The following PTPRN2 variants were observed in gnomAD, a reference collection of about 807,000 sequenced individuals.
PTPRN2 encodes the protein protein tyrosine phosphatase receptor type N2, also known as receptor-type tyrosine-protein phosphatase N2.
Under a neutral mutation model 118.8 loss-of-function variants are expected in PTPRN2, and 74 were observed. The ratio of observed to expected loss-of-function variants is 0.62; its 90% CI spans 0.52 to 0.76. PTPRN2 has a LOEUF of 0.76. PTPRN2 is among the 30% of genes least tolerant of loss of function. The pLI is 0.00. For synonymous variants in PTPRN2, 641 were observed against 608.0 expected, an observed-to-expected ratio of 1.05 and a Z score of -0.80; for missense variants, 1,481 against 1,394.4, an observed-to-expected ratio of 1.06 and a Z score of -0.99.
At chr7:158,199,390 A>C (rs1220581972) in intron 4 of PTPRN2, among the ~76,000 whole-genome samples, 3 of 152,112 alleles carry the variant, frequency 2.0e-5, no homozygotes, top group African/African-American at 4.8e-5. Flanking sequence ...CATGGGGCTT[A>C]CTCTGCTTAA....
chr7:157,727,249 A>AGAG (rs1412068220), intron 12 of PTPRN2, among the ~76,000 whole-genome samples: 2 of 152,246 alleles, frequency 1.3e-5, no homozygotes, highest in African/African-American at 2.4e-5. Flanking sequence ...ACGGATGGAC[A>AGAG]GAGGAGCAAA....
chr7:158,485,303 G>T (rs1213922200), intron 2 of PTPRN2, among the ~76,000 whole-genome samples: 3 of 151,874 alleles, frequency 2.0e-5, no homozygotes, highest in Non-Finnish European at 1.5e-5. Flanking sequence ...CAGCGCTATG[G>T]TGTGGTCGTC....
intron 2 of PTPRN2, among the ~76,000 whole-genome samples, chr7:158,408,678 G>A (rs1813784036): frequency 6.6e-6 from 1 of 152,166 alleles, no homozygotes; most frequent in Non-Finnish European, 1.5e-5. Flanking sequence ...TGTTTCCTCC[G>A]TGTTTGCAGA....
intron 3 of PTPRN2, among the ~76,000 whole-genome samples, chr7:158,291,048 C>T (rs1800089899): frequency 6.6e-6 from 1 of 152,204 alleles, no homozygotes; most frequent in Non-Finnish European, 1.5e-5. Context: ...GAGCAGGATG[C>T]AGAGATGGGG....
At chr7:158,149,130 A>G in intron 6 of PTPRN2, among the ~76,000 whole-genome samples, 1 of 149,408 alleles carries the variant, frequency 6.7e-6, no homozygotes, top group African/African-American at 2.5e-5. Flanking sequence ...ATGACACCCC[A>G]TCTCACGCCA....
intron 9 of PTPRN2, among the ~76,000 whole-genome samples, chr7:158,133,459 C>T (rs530909059): frequency 3.8e-4 from 58 of 152,344 alleles, no homozygotes; most frequent in Admixed American, 1.2e-3. Context: ...AACGGCTCTC[C>T]AGCTCTGGAG....
At chr7:158,025,999 G>T (rs1335813834) in intron 11 of PTPRN2, among the ~76,000 whole-genome samples, 9 of 152,206 alleles carry the variant, frequency 5.9e-5, no homozygotes, top group Non-Finnish European at 1.3e-4. Flanking sequence ...GTTTGGAAGG[G>T]GCAGCGGCTT....
In PTPRN2 at chr7:157,731,498, T is replaced by C. The variant is rs1319664731; in HGVS notation, c.1789-48561A>G. ...AGCACAGTTACCCTTTCCCGTCCCA[T>C]GCGCCCAGCACAGTTACCCTTTCCC... On this transcript the variant is annotated intron_variant, in intron 12 of 22. Coordinates refer to ENST00000389418, the MANE Select transcript of PTPRN2 (RefSeq NM_002847.5). 2.6e-3 allele frequency among the ~76,000 whole-genome samples: 346 copies of C among 134,918 alleles called. 2 individuals carry two copies. Among genetic ancestry groups the C allele is most frequent in the Middle Eastern group, 4.0e-3 (1 of 252 alleles). The allele number at this position is 134,918 out of a possible 152,430, so 88.5% of individuals were successfully genotyped here.
At position 158,135,920 on chromosome 7, in the gene PTPRN2, C is replaced by T. The variant is rs115710732; in HGVS notation, c.1173+735G>A. ...GCAATGTCACTGCTGTTGCTTAGAA[C>T]GGTTCTTCATCCTTCGGCCTTGTAT... On this transcript the variant is annotated intron_variant, in intron 8 of 22. Coordinates refer to ENST00000389418, the MANE Select transcript of PTPRN2 (RefSeq NM_002847.5). Among the ~76,000 whole-genome samples, 598 of 152,320 alleles carry T rather than the reference C, an allele frequency of 3.9e-3. 2 individuals carry two copies. Among genetic ancestry groups the T allele is most frequent in the African/African-American group, 0.013 (543 of 41,568 alleles).
chr7:158,004,082 T>C (rs533043791), intron 11 of PTPRN2, among the ~76,000 whole-genome samples: 16 of 152,302 alleles, frequency 1.1e-4, no homozygotes, highest in Non-Finnish European at 1.9e-4. Flanking sequence ...GAAAACTTGG[T>C]GACTCTCTAA....
intron 5 of PTPRN2, among the ~76,000 whole-genome samples, chr7:158,188,568 T>G (rs188611583): frequency 1.2e-3 from 35 of 28,278 alleles, no homozygotes; most frequent in Admixed American, 3.4e-3. Context: ...GCCCCCTGTA[T>G]GGGGAAGGCC....
rs1315543472 is a variant in PTPRN2 at position 157,764,276 on chromosome 7, C to T, written c.1789-81339G>A. Among the ~76,000 whole-genome samples, 3 of 152,178 alleles carry T rather than the reference C, an allele frequency of 2.0e-5. No homozygotes were observed. The highest frequency in any genetic ancestry group is 2.9e-5 in the Non-Finnish European group (2 of 68,036). On this transcript the variant is annotated intron_variant, in intron 12 of 22. Coordinates refer to ENST00000389418, the MANE Select transcript of PTPRN2 (RefSeq NM_002847.5). The surrounding 1 kb of genome is among the most constrained non-coding windows in gnomAD (Gnocchi z 4.5). Reference sequence around the variant, plus strand: ...GCAGTGACTCAGAGAGAGATTCGCACGCCCATGTTCATAGCAGCAGCGCTC... The same window carrying T: ...GCAGTGACTCAGAGAGAGATTCGCATGCCCATGTTCATAGCAGCAGCGCTC...
chr7:157,810,162 C>T (rs1485014598), intron 12 of PTPRN2, among the ~76,000 whole-genome samples: 1 of 152,256 alleles, frequency 6.6e-6, no homozygotes, highest in Non-Finnish European at 1.5e-5. Context: ...GTGGAGAACA[C>T]TGCAGTTCCA....
chr7:157,999,511 A>G (rs979134181), intron 11 of PTPRN2, among the ~76,000 whole-genome samples: 1 of 152,102 alleles, frequency 6.6e-6, no homozygotes, highest in African/African-American at 2.4e-5. Flanking sequence ...TTCCACCAAC[A>G]CAGGCAGGGG....
At chr7:157,988,951 T>C (rs115355964) in intron 11 of PTPRN2, among the ~76,000 whole-genome samples, 188 of 152,326 alleles carry the variant, frequency 1.2e-3, no homozygotes, top group African/African-American at 4.2e-3. Flanking sequence ...TATGCAAACA[T>C]GTCTCTTTCA....
chr7:158,505,993 C>G (rs1822720406), intron 1 of PTPRN2, among the ~76,000 whole-genome samples: 1 of 152,244 alleles, frequency 6.6e-6, no homozygotes, highest in South Asian at 2.1e-4. Flanking sequence ...CGCGCGTCCT[C>G]ACATGTGATG....
intron 5 of PTPRN2, among the ~76,000 whole-genome samples, chr7:158,173,637 C>T (rs990999032): frequency 1.3e-5 from 2 of 152,322 alleles, no homozygotes; most frequent in South Asian, 4.1e-4. Context: ...GCTGGAATTT[C>T]CCAATCCTGG....
rs146614398 is a variant in PTPRN2 at position 158,467,374 on chromosome 7, G to A, written c.163+22361C>T. 4.4e-3 allele frequency among the ~76,000 whole-genome samples: 675 copies of A among 152,140 alleles called. 4 individuals carry two copies. Among genetic ancestry groups the A allele is most frequent in the African/African-American group, 0.015 (633 of 41,502 alleles). On this transcript the variant is annotated intron_variant, in intron 2 of 22. Transcript: ENST00000389418. ...AGATATTAACACCTTATAGATCTAT[G>A]GTTTTTCAACATTTTCTCCCGCCCT...
intron 19 of PTPRN2, among the ~76,000 whole-genome samples, chr7:157,575,738 T>C (rs1486970216): frequency 6.6e-6 from 1 of 152,226 alleles, no homozygotes; most frequent in Non-Finnish European, 1.5e-5. Flanking sequence ...AGTCACTTTA[T>C]GATAGTGGGG....
Sources: gnomAD v4.1 joint callset for allele counts (sites outside exome capture counted in the v4.1 genomes callset) on GRCh38, gnomAD v4.1.1 for gene constraint, Gnocchi (gnomAD v3.1) non-coding constraint, MANE v1.5 for transcripts, NCBI Gene and HGNC (gene_info 2026-07-23, HGNC 2026-07-21) for gene names.